PRKCSH: variants seen among roughly 807,000 people sequenced by gnomAD.
The protein encoded by PRKCSH is PRKCSH beta subunit of glucosidase II.
In PRKCSH, 42 loss-of-function variants were observed where a neutral mutation model predicts 79.7. That is an observed-to-expected ratio of 0.53 (90% CI 0.41 to 0.68). The LOEUF (loss-of-function observed/expected upper bound fraction) is 0.68, where lower values mean the gene tolerates loss of function less well. Among genes scored for constraint, PRKCSH ranks in the 30% least tolerant of loss-of-function variants. The pLI, the probability that PRKCSH is intolerant of heterozygous loss-of-function variation, is 0.00. For synonymous variants in PRKCSH, 325 were observed against 288.2 expected (o/e 1.13, Z -1.29); for missense variants, 686 against 709.0 (o/e 0.97, Z 0.37).
Position 11,436,181 on chromosome 19 carries a change from G to C in PRKCSH, c.64G>C (p.Gly22Arg), listed in dbSNP as rs763072103. 3 of 1,590,616 alleles carry C rather than the reference G, an allele frequency of 1.9e-6. No individual in the cohort carries two copies. Among genetic ancestry groups the C allele is most frequent in the Non-Finnish European group, 2.6e-6 (3 of 1,169,776 alleles). ...CWAVEVKRPR[G>R]VSLTNHHFYD... ...GGCCGTGGAGGTCAAGAGGCCCCGG[G>C]GCGTCTCCCTCACCAGTGAGTCCTC... Residue 22 changes from glycine (G) to arginine (R), a missense_variant, in exon 2 of 18, where the codon GGC (glycine) becomes CGC (arginine). This residue lies in a region of PRKCSH where 549 missense variants were observed against 520.2 expected (regional missense o/e 1.06). Coordinates refer to ENST00000677123, the MANE Select transcript of PRKCSH (RefSeq NM_001289104.2).
At chr19:11,443,416 G>A (rs898945229) in intron 7 of PRKCSH, among the ~76,000 whole-genome samples, 4 of 152,014 alleles carry the variant, frequency 2.6e-5, no homozygotes, top group African/African-American at 9.7e-5. Context: ...ATGGTGGTGT[G>A]TGCCTGTAAT....
At position 11,448,533 on chromosome 19, in the gene PRKCSH, C is replaced by T. The variant is rs374424186; in HGVS notation, c.1197-7C>T. On this transcript the variant is annotated splice_region_variant and splice_polypyrimidine_tract_variant and intron_variant, in intron 13 of 17. Coordinates refer to ENST00000677123, the MANE Select transcript of PRKCSH (RefSeq NM_001289104.2). This position sits in a 1 kb window ranked among gnomAD's most constrained non-coding sequence, Gnocchi z 4.4. ...CTGCCCCTTAACCGCTCCGCCTCCC[C>T]TTCCAGGAACCTGGAGCAAGAGATT... The T allele has an allele frequency of 1.2e-6, 2 of 1,613,678 alleles. No homozygotes were observed. The highest frequency in any genetic ancestry group is 2.2e-5 in the South Asian group (2 of 91,082).
intron 9 of PRKCSH, among the ~76,000 whole-genome samples, 162 bp downstream of exon 9, chr19:11,446,512 G>T (rs551299285): frequency 6.6e-6 from 1 of 152,120 alleles, no homozygotes; most frequent in Admixed American, 6.5e-5. Context: ...CGCCTGGCAG[G>T]ACCCGGGATG....
chr19:11,444,685 CGACA>C (rs1183481202), intron 7 of PRKCSH, among the ~76,000 whole-genome samples: 8 of 152,132 alleles, frequency 5.3e-5, no homozygotes, highest in South Asian at 2.1e-4. Context: ...GTTAGAGTAG[CGACA>C]GACAAAGGAG....
chr19:11,442,464 G>A lies in PRKCSH; in HGVS notation c.547G>A (p.Ala183Thr), dbSNP rs748452833. The A allele has an allele frequency of 5.0e-6, 8 of 1,612,348 alleles. No individual in the cohort carries two copies. The highest frequency in any genetic ancestry group is 6.8e-6 in the Non-Finnish European group (8 of 1,179,456). Residue 183 changes from alanine to threonine, a missense_variant, in exon 7 of 18, where the codon GCT becomes ACT. Coordinates refer to ENST00000677123, the MANE Select transcript of PRKCSH (RefSeq NM_001289104.2). ...GATGCTGCGGACAGTGAAGGAGGAA[G>A]CTGAGAAGCCAGAGAGAGAGGCCAA... ...VEMLRTVKEE[A>T]EKPEREAKEQ...
intron 9 of PRKCSH, among the ~76,000 whole-genome samples, 192 bp downstream of exon 9, chr19:11,446,542 C>T (rs965371992): frequency 9.2e-5 from 14 of 152,020 alleles, no homozygotes; most frequent in African/African-American, 7.3e-5. Flanking sequence ...CGCGCTGGAG[C>T]CCGTTTCCCC....
chr19:11,446,254 T>G lies in PRKCSH; in HGVS notation c.684-18T>G, dbSNP rs1970291284. ...TGGGGCCTCACCCCTCCAGTCTGCTTCTGCCACGCCCCCGCAGGGTCTCGG... is the reference window on the plus strand; with the variant it reads ...TGGGGCCTCACCCCTCCAGTCTGCTGCTGCCACGCCCCCGCAGGGTCTCGG... On this transcript the variant is annotated intron_variant, in intron 8 of 17. Transcript: ENST00000677123. The G allele has an allele frequency of 1.9e-6, 3 of 1,611,834 alleles. No individual in the cohort carries two copies. The highest frequency in any genetic ancestry group is 2.5e-6 in the Non-Finnish European group (3 of 1,179,488).
intron 7 of PRKCSH, 118 bp downstream of exon 7, chr19:11,442,633 A>G: frequency 6.8e-7 from 1 of 1,464,714 alleles, no homozygotes; most frequent in Non-Finnish European, 9.3e-7. Flanking sequence ...CATGCTGCCC[A>G]TCGCCTTGTG....
chr19:11,446,388 A>G, intron 9 of PRKCSH, 38 bp downstream of exon 9: 1 of 1,597,342 alleles, frequency 6.3e-7, no homozygotes, highest in Non-Finnish European at 8.5e-7. Context: ...ACTTCTAGGG[A>G]GCATTGCCCC....
At chr19:11,436,674 G>A in intron 3 of PRKCSH, 169 bp downstream of exon 3, 1 of 649,824 alleles carries the variant, frequency 1.5e-6, no homozygotes, top group Non-Finnish European at 2.7e-6. Context: ...GAGGAGCCCA[G>A]AGTCGTCCTC....
Position 11,448,521 on chromosome 19 carries a change from G to A in PRKCSH, c.1197-19G>A, listed in dbSNP as rs759873695. 2.0e-5 allele frequency: 33 copies of A among 1,610,814 alleles called. No individual in the cohort carries two copies. Among genetic ancestry groups the A allele is most frequent in the East Asian group, 1.8e-4 (8 of 44,882 alleles). ...TGGCGTCCCCAGCTGCCCCTTAACC[G>A]CTCCGCCTCCCCTTCCAGGAACCTG... On this transcript the variant is annotated intron_variant, in intron 13 of 17. Transcript: ENST00000677123. The surrounding 1 kb of genome is among the most constrained non-coding windows in gnomAD (Gnocchi z 4.4).
At chr19:11,445,349 G>A (rs781550177) in intron 7 of PRKCSH, 40 bp from the exon 8 acceptor site, 20 of 1,602,376 alleles carry the variant, frequency 1.2e-5, no homozygotes, top group East Asian at 2.2e-5. Flanking sequence ...GATGGGAGCC[G>A]GTGGGTGGGC....
chr19:11,447,410 C>G lies in PRKCSH; in HGVS notation c.850-29C>G. 3.1e-6 allele frequency: 5 copies of G among 1,610,600 alleles called. No individual in the cohort carries two copies. The highest frequency in any genetic ancestry group is 4.2e-6 in the Non-Finnish European group (5 of 1,177,462). ...AGGGTGTGGGTGGACCCTGAGTCCACAACACCGACCGCACTGCTCACCCGC... is the reference window on the plus strand; with the variant it reads ...AGGGTGTGGGTGGACCCTGAGTCCAGAACACCGACCGCACTGCTCACCCGC... On this transcript the variant is annotated intron_variant, in intron 10 of 17. Coordinates refer to ENST00000677123, the MANE Select transcript of PRKCSH (RefSeq NM_001289104.2). The surrounding 1 kb of genome is among the most constrained non-coding windows in gnomAD (Gnocchi z 5.6).
intron 7 of PRKCSH, among the ~76,000 whole-genome samples, chr19:11,444,664 G>A (rs372878080): frequency 1.1e-4 from 17 of 152,160 alleles, no homozygotes; most frequent in African/African-American, 3.9e-4. Flanking sequence ...GCTGCTTTCC[G>A]CTCTGCTTAG....
chr19:11,438,790 A>G (rs528206826), intron 5 of PRKCSH, among the ~76,000 whole-genome samples: 10 of 151,306 alleles, frequency 6.6e-5, no homozygotes, highest in African/African-American at 2.2e-4. Context: ...CATACAACAG[A>G]AGGAGGCCAA....
At chr19:11,439,660 A>G (rs1218891908) in intron 5 of PRKCSH, among the ~76,000 whole-genome samples, 11 of 119,068 alleles carry the variant, frequency 9.2e-5, no homozygotes, top group Non-Finnish European at 1.6e-5. Context: ...TCTGTTGCCC[A>G]GGCTGGATGG....
At chr19:11,436,765 G>A in intron 3 of PRKCSH, 1 of 467,658 alleles carries the variant, frequency 2.1e-6, no homozygotes, top group Non-Finnish European at 3.9e-6. Flanking sequence ...CAGATGGAGG[G>A]GTCAACACGG....
In PRKCSH at chr19:11,449,513, C is replaced by G. The variant is rs1055819665; in HGVS notation, c.*16+85C>G. ...AGGAAGATGGACCCACATGGCCACT[C>G]TATCAACCTGTGTCCCCATGTTCCC... On this transcript the variant is annotated intron_variant, in intron 17 of 17. Transcript: ENST00000677123. The surrounding 1 kb of genome is among the most constrained non-coding windows in gnomAD (Gnocchi z 6.4). 1 of 1,541,516 alleles carries G rather than the reference C, an allele frequency of 6.5e-7. No individual in the cohort carries two copies. Among genetic ancestry groups the G allele is most frequent in the Non-Finnish European group, 8.9e-7 (1 of 1,120,928 alleles).
At chr19:11,445,919 G>GA in intron 8 of PRKCSH, 1 of 420,476 alleles carries the variant, frequency 2.4e-6, no homozygotes, top group Non-Finnish European at 4.4e-6. Flanking sequence ...CAGAGGGACC[G>GA]AATGGGCAAG....
Sources: gnomAD v4.1 joint callset for allele counts (sites outside exome capture counted in the v4.1 genomes callset) on GRCh38, gnomAD v4.1.1 for gene constraint, gnomAD v4.1.1 regional missense constraint, Gnocchi (gnomAD v3.1) non-coding constraint, MANE v1.5 for transcripts, NCBI Gene and HGNC (gene_info 2026-07-23, HGNC 2026-07-21) for gene names.